Variants in RBM5 observed in about 807,000 individuals in gnomAD.
RBM5 encodes the protein RNA binding motif protein 5, also known as RNA-binding protein 5.
RBM5 carries 15 observed loss-of-function variants against 124.6 expected under a neutral mutation model. The ratio of observed to expected loss-of-function variants is 0.12; its 90% CI spans 0.08 to 0.19. The LOEUF is 0.19. Among genes scored for constraint, RBM5 ranks in the 10% least tolerant of loss-of-function variants. The pLI, the probability that RBM5 is intolerant of heterozygous loss-of-function variation, is 1.00. For missense variants in RBM5, 580 were observed against 1,026.5 expected (o/e 0.57, Z 5.94); for synonymous variants, 337 against 361.2 (o/e 0.93, Z 0.76).
chr3:50,099,163 G>A (rs1309421656), intron 4 of RBM5, among the ~76,000 whole-genome samples: 1 of 151,874 alleles, frequency 6.6e-6, no homozygotes, highest in African/African-American at 2.4e-5. Context: ...GCTGAGGTGG[G>A]AGGATCACTT....
At position 50,100,278 on chromosome 3, in the gene RBM5, T is replaced by C; in HGVS notation, c.409+227T>C. The stretch of plus-strand genomic sequence containing the variant: ...CTTAGGTAAGTAATGATTTATAAAC[T>C]CCTTTTTTTTTTTGACTATAGTCGG... On this transcript the variant is annotated intron_variant, in intron 5 of 24. Coordinates refer to ENST00000347869, the MANE Select transcript of RBM5 (RefSeq NM_005778.4). This position sits in a 1 kb window ranked among gnomAD's most constrained non-coding sequence, Gnocchi z 5.1. 1.8e-6 allele frequency: 1 copy of C among 559,612 alleles called. No individual in the cohort carries two copies. The highest frequency in any genetic ancestry group is 3.1e-6 in the Non-Finnish European group (1 of 321,400). 34.7% of individuals were successfully genotyped at this position (559,612 alleles called of 1,614,324 possible). A position where few individuals can be genotyped will look rare whatever the true frequency, so the allele number is the denominator to read the frequency against.
chr3:50,100,279 C>CT lies in RBM5; in HGVS notation c.409+228_409+229insT. ...TTAGGTAAGTAATGATTTATAAACT[C>CT]CTTTTTTTTTTTGACTATAGTCGGT... On this transcript the variant is annotated intron_variant, in intron 5 of 24. Transcript: ENST00000347869. The surrounding 1 kb of genome is among the most constrained non-coding windows in gnomAD (Gnocchi z 5.1). 1.8e-6 allele frequency: 1 copy of CT among 556,952 alleles called. No homozygotes were observed. Among genetic ancestry groups the CT allele is most frequent in the African/African-American group, 1.9e-5 (1 of 52,356 alleles). The allele number at this position is 556,952 out of a possible 1,614,324, so 34.5% of individuals were successfully genotyped here. A position where few individuals can be genotyped will look rare whatever the true frequency, so the allele number is the denominator to read the frequency against.
In RBM5 at chr3:50,100,280, C is replaced by CTT. The variant is rs554369650; in HGVS notation, c.409+239_409+240dup. On this transcript the variant is annotated intron_variant, in intron 5 of 24. Transcript: ENST00000347869. The surrounding 1 kb of genome is among the most constrained non-coding windows in gnomAD (Gnocchi z 5.1). Reference sequence around the variant, plus strand: ...TAGGTAAGTAATGATTTATAAACTCCTTTTTTTTTTTGACTATAGTCGGTT... The same window carrying CTT: ...TAGGTAAGTAATGATTTATAAACTCCTTTTTTTTTTTTTGACTATAGTCGGTT... The CTT allele has an allele frequency of 1.5e-4, 68 of 446,666 alleles. No individual in the cohort carries two copies. The highest frequency in any genetic ancestry group is 6.9e-4 in the South Asian group (19 of 27,520). 27.7% of individuals were successfully genotyped at this position (446,666 alleles called of 1,614,324 possible). A position where few individuals can be genotyped will look rare whatever the true frequency, so the allele number is the denominator to read the frequency against.
At position 50,113,962 on chromosome 3, in the gene RBM5, A is replaced by G; in HGVS notation, c.1630A>G (p.Met544Val). 6.2e-7 allele frequency: 1 copy of G among 1,612,650 alleles called. No homozygotes were observed. ...SKTAQQIAKD[M>V]ERWAKSLNKQ... ...TGTTTGACATTAGATTGCCAAAGAC[A>G]TGGAACGCTGGGCTAAGAGTTTGAA... is the stretch of plus-strand genomic sequence containing the variant. The change falls in exon 19 of 25, where the codon ATG becomes GTG. Residue 544 changes from methionine (M) to valine (V), a missense_variant. By Grantham distance (21) the Met-to-Val change is conservative. Coordinates refer to ENST00000347869, the MANE Select transcript of RBM5 (RefSeq NM_005778.4).
At chr3:50,103,242 G>A in intron 7 of RBM5, 76 bp downstream of exon 7, 2 of 1,186,986 alleles carry the variant, frequency 1.7e-6, no homozygotes, top group South Asian at 2.5e-5. Flanking sequence ...TTATTTGACT[G>A]TCCAAACAAG....
intron 4 of RBM5, among the ~76,000 whole-genome samples, chr3:50,096,364 T>TGTG (rs2090815459): frequency 1.3e-5 from 2 of 150,700 alleles, no homozygotes; most frequent in Admixed American, 6.6e-5. Context: ...GGCGCTTGTC[T>TGTG]GTGGTCCCAG....
intron 1 of RBM5, among the ~76,000 whole-genome samples, chr3:50,089,616 A>G (rs2108980367): frequency 2.6e-5 from 4 of 152,308 alleles, no homozygotes; most frequent in Middle Eastern, 6.8e-3. Context: ...GTTTCCCCCC[A>G]GTGGTTCTTT....
Position 50,117,998 on chromosome 3 carries a change from T to G in RBM5, c.2323-333T>G. On this transcript the variant is annotated intron_variant, in intron 24 of 24. Coordinates refer to ENST00000347869, the MANE Select transcript of RBM5 (RefSeq NM_005778.4). The surrounding 1 kb of genome is among the most constrained non-coding windows in gnomAD (Gnocchi z 4.2). ...CCTGTTTATGTGAGTTCTGCTGACATTGAGCTATCCTGTATAATGTGTGCC... is the reference window on the plus strand; with the variant it reads ...CCTGTTTATGTGAGTTCTGCTGACAGTGAGCTATCCTGTATAATGTGTGCC... 2 of 293,472 alleles carry G rather than the reference T, an allele frequency of 6.8e-6. No individual in the cohort carries two copies. Among genetic ancestry groups the G allele is most frequent in the Non-Finnish European group, 1.3e-5 (2 of 153,374 alleles). The allele number at this position is 293,472 out of a possible 1,614,324, so 18.2% of individuals were successfully genotyped here.
Position 50,103,173 on chromosome 3 carries a change from A to T in RBM5, c.567+7A>T. ...AGATTGGCTTTGTAACAAGGTAAGC[A>T]TATGTTCTTCCCAAATAGACAAAAC... On this transcript the variant is annotated splice_region_variant and intron_variant, in intron 7 of 24. Coordinates refer to ENST00000347869, the MANE Select transcript of RBM5 (RefSeq NM_005778.4). 1 of 1,595,516 alleles carries T rather than the reference A, an allele frequency of 6.3e-7. No individual in the cohort carries two copies. The highest frequency in any genetic ancestry group is 8.6e-7 in the Non-Finnish European group (1 of 1,163,348).
At chr3:50,108,014 A>G (rs1420481838) in intron 12 of RBM5, 56 bp from the exon 13 acceptor site, 1 of 1,472,194 alleles carries the variant, frequency 6.8e-7, no homozygotes, top group African/African-American at 1.4e-5. Context: ...GGACTTCTGA[A>G]TTTTTTTCCT....
chr3:50,089,609 TC>T (rs1458268589), intron 1 of RBM5, among the ~76,000 whole-genome samples: 3 of 152,194 alleles, frequency 2.0e-5, no homozygotes, highest in Non-Finnish European at 4.4e-5. Context: ...GGGACTTGTT[TC>T]CCCCCAGTGG....
Position 50,100,991 on chromosome 3 carries a change from A to G in RBM5, c.483+386A>G, listed in dbSNP as rs1000712859. 3.7e-5 allele frequency: 6 copies of G among 162,234 alleles called. No individual in the cohort carries two copies. The highest frequency in any genetic ancestry group is 3.2e-4 in the Admixed American group (5 of 15,788). 10.0% of individuals were successfully genotyped at this position (162,234 alleles called of 1,614,324 possible). On this transcript the variant is annotated intron_variant, in intron 6 of 24. Transcript: ENST00000347869. The surrounding 1 kb of genome is among the most constrained non-coding windows in gnomAD (Gnocchi z 5.1). Reference sequence around the variant, plus strand: ...AGTGAAAGTCTGTGGCGGCATTTTTATAAGTAATTCCTTATTTCTGCCTGA... The same window carrying G: ...AGTGAAAGTCTGTGGCGGCATTTTTGTAAGTAATTCCTTATTTCTGCCTGA...
In RBM5 at chr3:50,100,189, T is replaced by A; in HGVS notation, c.409+138T>A. 1 of 820,602 alleles carries A rather than the reference T, an allele frequency of 1.2e-6. No individual in the cohort carries two copies. The highest frequency in any genetic ancestry group is 2.0e-5 in the South Asian group (1 of 49,684). 50.8% of individuals were successfully genotyped at this position (820,602 alleles called of 1,614,324 possible). A position where few individuals can be genotyped will look rare whatever the true frequency, so the allele number is the denominator to read the frequency against. ...GTTTGCCATGGCTAAGGAATGTGAC[T>A]CTTTGAAAACCATGTTAGCATCTGA... is the stretch of plus-strand genomic sequence containing the variant. On this transcript the variant is annotated intron_variant, in intron 5 of 24. Transcript: ENST00000347869. This position sits in a 1 kb window ranked among gnomAD's most constrained non-coding sequence, Gnocchi z 5.1.
intron 11 of RBM5, 78 bp from the exon 12 acceptor site, chr3:50,107,404 G>A: frequency 8.8e-7 from 1 of 1,134,344 alleles, no homozygotes; most frequent in Non-Finnish European, 1.3e-6. Flanking sequence ...AGGGTGGAGT[G>A]AATCAGTTGG....
rs758391816 is a variant in RBM5, at chr3:50,110,330, T to C, written c.1279-49T>C. 74 of 1,539,426 alleles carry C rather than the reference T, an allele frequency of 4.8e-5. No individual in the cohort carries two copies. In the South Asian group the frequency reaches 5.2e-4, roughly 11 times the overall value. ...GGATGATTGCAGTGATTTAGCTCTC[T>C]TAAAAGGCTTTACAGTTGAAATTAT... On this transcript the variant is annotated intron_variant, in intron 15 of 24. Coordinates refer to ENST00000347869, the MANE Select transcript of RBM5 (RefSeq NM_005778.4).
intron 18 of RBM5, 52 bp from the exon 19 acceptor site, chr3:50,113,898 A>T (rs2091192469): frequency 2.5e-5 from 39 of 1,585,344 alleles, no homozygotes; most frequent in Non-Finnish European, 3.2e-5. Context: ...GCTCATTCTC[A>T]TGGCACAGGG....
chr3:50,101,272 G>A (rs1211788073), intron 6 of RBM5: 1 of 152,178 alleles, frequency 6.6e-6, no homozygotes, highest in Non-Finnish European at 1.5e-5. Context: ...TCAAGATAAT[G>A]TTCAGTGCTT....
At chr3:50,110,293 G>A in intron 15 of RBM5, 86 bp from the exon 16 acceptor site, 1 of 1,129,726 alleles carries the variant, frequency 8.9e-7, no homozygotes, top group Non-Finnish European at 1.3e-6. Flanking sequence ...TGTCAGGGGA[G>A]CCCTTCCTCC....
intron 21 of RBM5, 38 bp from the exon 22 acceptor site, chr3:50,115,868 T>A: frequency 1.3e-6 from 2 of 1,549,494 alleles, no homozygotes; most frequent in Admixed American, 1.7e-5. Flanking sequence ...ATTAAGATGG[T>A]CTGAGTCCTT....
Sources: gnomAD v4.1 joint callset for allele counts (sites outside exome capture counted in the v4.1 genomes callset) on GRCh38, gnomAD v4.1.1 for gene constraint, Gnocchi (gnomAD v3.1) non-coding constraint, MANE v1.5 for transcripts, NCBI Gene and HGNC (gene_info 2026-07-23, HGNC 2026-07-21) for gene names.